The following IL12RB2 variants were observed in gnomAD, a reference collection of about 807,000 sequenced individuals.
IL12RB2 encodes interleukin-12 receptor subunit beta-2.
A neutral mutation model predicts 89.4 loss-of-function variants in IL12RB2; 82 were observed. The ratio of observed to expected loss-of-function variants is 0.92; its 90% CI spans 0.77 to 1.10. The LOEUF (loss-of-function observed/expected upper bound fraction) is 1.10, where lower values mean the gene tolerates loss of function less well. Ranked by LOEUF, IL12RB2 falls within the 50% of genes least tolerant of loss-of-function variation. The pLI is 0.00. For missense variants in IL12RB2, 963 were observed against 1,031.9 expected (o/e 0.93, Z 0.92); for synonymous variants, 368 against 370.1 (o/e 0.99, Z 0.07).
chr1:67,356,474 A>AT, intron 10 of IL12RB2, among the ~76,000 whole-genome samples: 1 of 152,232 alleles, frequency 6.6e-6, no homozygotes, highest in Middle Eastern at 3.4e-3. Context: ...ACCCTTCAGC[A>AT]TTTTTTTCCT....
In IL12RB2 at chr1:67,330,797, A is replaced by G. The variant is rs1297634939; in HGVS notation, c.945A>G (p.Gln315=). ...WSDWSESLRA[Q]TPEEEPTGML... ...ATTGGAGTGAATCATTGAGAGCACA[A>G]ACACCAGAAGAAGGTATATGTCCAA... The change falls in exon 8 of 17, where the codon CAA becomes CAG. Residue 315 remains glutamine, a synonymous_variant. Coordinates refer to ENST00000674203, the MANE Select transcript of IL12RB2 (RefSeq NM_001374259.2). 6.4e-6 allele frequency: 10 copies of G among 1,571,236 alleles called. No individual in the cohort carries two copies. The highest frequency in any genetic ancestry group is 8.8e-6 in the Non-Finnish European group (10 of 1,141,144).
At chr1:67,316,808 G>A (rs186110684) in intron 2 of IL12RB2, among the ~76,000 whole-genome samples, 98 of 152,238 alleles carry the variant, frequency 6.4e-4, no homozygotes, top group African/African-American at 2.3e-3. Flanking sequence ...TCCTGCAAAC[G>A]CCTTTGTTGA....
At chr1:67,308,174 C>T (rs1016874433) in intron 1 of IL12RB2, among the ~76,000 whole-genome samples, 3 of 152,056 alleles carry the variant, frequency 2.0e-5, no homozygotes, top group Admixed American at 6.6e-5. Context: ...ACAGTCCTAA[C>T]GCCCTGGGCA....
At chr1:67,385,960 C>T (rs1665088297) in intron 14 of IL12RB2, among the ~76,000 whole-genome samples, 1 of 152,076 alleles carries the variant, frequency 6.6e-6, no homozygotes, top group Admixed American at 6.5e-5. Context: ...CCTGTAATCC[C>T]AGCACTTTGG....
chr1:67,391,390 C>CATATGTTTTATATATATGTATATAT, intron 16 of IL12RB2, among the ~76,000 whole-genome samples: 1 of 139,294 alleles, frequency 7.2e-6, no homozygotes, highest in Non-Finnish European at 1.6e-5. Flanking sequence ...TGTGTCTATA[C>CATATGTTTTATATATATGTATATAT]ACACACACAC....
intron 2 of IL12RB2, among the ~76,000 whole-genome samples, chr1:67,316,565 C>T (rs933012806): frequency 5.3e-5 from 8 of 152,092 alleles, no homozygotes; most frequent in African/African-American, 1.7e-4. Context: ...ATCTAGGCTC[C>T]CTTTTTTCGC....
At chr1:67,334,072 AG>A (rs1658447472) in intron 8 of IL12RB2, among the ~76,000 whole-genome samples, 1 of 152,160 alleles carries the variant, frequency 6.6e-6, no homozygotes, top group Non-Finnish European at 1.5e-5. Context: ...AGCAAGGGTG[AG>A]GGGTGAATAA....
In IL12RB2 at chr1:67,398,044, A is replaced by G. The variant is rs1666463243; in HGVS notation, c.*1955A>G. ...ACATCCTTGTTTCCTGAAATTCCAAACTTAACACCTATAGTTCTCTCAGGC... is the reference window on the plus strand; with the variant it reads ...ACATCCTTGTTTCCTGAAATTCCAAGCTTAACACCTATAGTTCTCTCAGGC... On this transcript the variant is annotated 3_prime_UTR_variant, in exon 17 of 17. Coordinates refer to ENST00000674203, the MANE Select transcript of IL12RB2 (RefSeq NM_001374259.2). 6.6e-6 allele frequency among the ~76,000 whole-genome samples: 1 copy of G among 152,194 alleles called. No individual in the cohort carries two copies. The highest frequency in any genetic ancestry group is 2.4e-5 in the African/African-American group (1 of 41,448).
At chr1:67,367,228 G>A (rs952627670) in intron 10 of IL12RB2, among the ~76,000 whole-genome samples, 5 of 146,294 alleles carry the variant, frequency 3.4e-5, no homozygotes, top group African/African-American at 1.3e-4. Context: ...CCTTGTCTCT[G>A]TCTAATAAAA....
At chr1:67,333,104 T>C (rs1308968638) in intron 8 of IL12RB2, among the ~76,000 whole-genome samples, 1 of 152,206 alleles carries the variant, frequency 6.6e-6, no homozygotes, top group Non-Finnish European at 1.5e-5. Context: ...GAGAAACCCA[T>C]ACTCTGAGAT....
chr1:67,389,366 A>C (rs964682877), intron 15 of IL12RB2, among the ~76,000 whole-genome samples: 1 of 152,190 alleles, frequency 6.6e-6, no homozygotes, highest in African/African-American at 2.4e-5. Context: ...AAGCTTATGA[A>C]AGCCAAGTCT....
In IL12RB2 at chr1:67,341,529, G is replaced by GAGATAGAA. The variant is rs1553314365; in HGVS notation, c.1038+2829_1038+2830insTAGAAAGA. On this transcript the variant is annotated intron_variant, in intron 9 of 16. Coordinates refer to ENST00000674203, the MANE Select transcript of IL12RB2 (RefSeq NM_001374259.2). ...AAGAAAGAAGGAAAGAAAAAAGAAA[G>GAGATAGAA]AGAAAGAAAGAAAGAAAGAAAGAAA... 3.6e-5 allele frequency among the ~76,000 whole-genome samples: 4 copies of GAGATAGAA among 110,602 alleles called. No individual in the cohort carries two copies. The East Asian group carries it at 8.2e-4, about 23-fold the overall frequency. The allele number at this position is 110,602 out of a possible 152,430, so 72.6% of individuals were successfully genotyped here. A position where few individuals can be genotyped will look rare whatever the true frequency, so the allele number is the denominator to read the frequency against.
intron 15 of IL12RB2, among the ~76,000 whole-genome samples, chr1:67,386,870 T>TTTTTTATATATATATATATATA (rs1665212898): frequency 1.7e-5 from 2 of 116,426 alleles, no homozygotes; most frequent in Non-Finnish European, 3.4e-5. Context: ...TAGAAATGTA[T>TTTTTTATATATATATATATATA]TTTATATATA....
rs749238823 is a variant in IL12RB2 at position 67,329,657 on chromosome 1, T to C, written c.735T>C (p.Tyr245=). 2 of 1,582,590 alleles carry C rather than the reference T, an allele frequency of 1.3e-6. No homozygotes were observed. Among genetic ancestry groups the C allele is most frequent in the South Asian group, 2.2e-5 (2 of 90,496 alleles). ...CTTCTGTGAGCAGATGTACCCTTTATTGGAGAGATGAGGGACTGGTACTGC... is the reference window on the plus strand; with the variant it reads ...CTTCTGTGAGCAGATGTACCCTTTACTGGAGAGATGAGGGACTGGTACTGC... ...QKASVSRCTL[Y]WRDEGLVLLN... is the part of the protein sequence containing the mutation. Residue 245 remains tyrosine, a synonymous_variant, in exon 7 of 17, where the codon TAT becomes TAC. Transcript: ENST00000674203.
intron 10 of IL12RB2, among the ~76,000 whole-genome samples, chr1:67,353,408 A>C (rs939050504): frequency 6.6e-6 from 1 of 152,118 alleles, no homozygotes; most frequent in Non-Finnish European, 1.5e-5. Context: ...TACAAAAAAA[A>C]ATAAAAATAA....
At position 67,320,426 on chromosome 1, in the gene IL12RB2, T is replaced by C. The variant is rs1314301642; in HGVS notation, c.58T>C (p.Leu20=). The part of the protein sequence containing the change: ...LAFMFIITWL[L]IKAKIDACKR... ...ATTTATGTTTATAATCACGTGGCTG[T>C]TGATTAAAGCAAAAATAGGTAAGAT... Residue 20 remains leucine, a synonymous_variant, in exon 3 of 17, where the codon TTG becomes CTG. Transcript: ENST00000674203. 1 of 1,613,954 alleles carries C rather than the reference T, an allele frequency of 6.2e-7. No homozygotes were observed. Among genetic ancestry groups the C allele is most frequent in the East Asian group, 2.2e-5 (1 of 44,814 alleles).
intron 9 of IL12RB2, among the ~76,000 whole-genome samples, chr1:67,347,389 TAAG>T (rs1197472760): frequency 3.3e-5 from 5 of 152,170 alleles, no homozygotes; most frequent in African/African-American, 9.7e-5. Context: ...TTTTAAATCT[TAAG>T]AAGACATGAT....
chr1:67,351,027 C>T lies in IL12RB2; in HGVS notation c.1196C>T (p.Ala399Val). 1.2e-6 allele frequency: 2 copies of T among 1,613,966 alleles called. No homozygotes were observed. Among genetic ancestry groups the T allele is most frequent in the Non-Finnish European group, 1.7e-6 (2 of 1,180,000 alleles). ...RTGNWAVAVSAANSKGSSLPT... is the reference protein window; with the variant it reads ...RTGNWAVAVSVANSKGSSLPT... ...GGAAATTGGGCTGTGGCTGTGTCTG[C>T]AGCAAATTCAAAAGGCAGTTCTCTG... is the stretch of plus-strand genomic sequence containing the variant. The change falls in exon 10 of 17, where the codon GCA becomes GTA. Residue 399 changes from alanine (A) to valine (V), a missense_variant. Transcript: ENST00000674203.
At chr1:67,346,794 C>T (rs1029555740) in intron 9 of IL12RB2, among the ~76,000 whole-genome samples, 4 of 152,092 alleles carry the variant, frequency 2.6e-5, no homozygotes, top group Non-Finnish European at 4.4e-5. Flanking sequence ...TATTTTGTAA[C>T]CAACTGAATG....
Sources: gnomAD v4.1 joint callset for allele counts (sites outside exome capture counted in the v4.1 genomes callset) on GRCh38, gnomAD v4.1.1 for gene constraint, MANE v1.5 for transcripts, NCBI Gene and HGNC (gene_info 2026-07-23, HGNC 2026-07-21) for gene names.